The following EXOC2 variants were observed in gnomAD, a reference collection of about 807,000 sequenced individuals.
EXOC2 encodes exocyst complex component 2, also known as SEC5-like 1.
A neutral mutation model predicts 131.8 loss-of-function variants in EXOC2; 70 were observed. The observed-to-expected ratio is 0.53, with a 90% confidence interval of 0.44 to 0.65. The LOEUF (loss-of-function observed/expected upper bound fraction) is 0.65, where lower values mean the gene tolerates loss of function less well. Ranked by LOEUF, EXOC2 falls within the 30% of genes least tolerant of loss-of-function variation. The pLI is 0.00. For missense variants in EXOC2, 923 were observed against 1,108.6 expected, an observed-to-expected ratio of 0.83 and a Z score of 2.38; for synonymous variants, 411 against 398.4, an observed-to-expected ratio of 1.03 and a Z score of -0.38.
At chr6:597,908 T>C in intron 10 of EXOC2, 113 bp downstream of exon 10, 1 of 701,746 alleles carries the variant, frequency 1.4e-6, no homozygotes, top group African/African-American at 1.8e-5. Context: ...TGTCTTCCCC[T>C]TCACCATTTC....
At chr6:642,926 TA>T (rs59578274) in intron 1 of EXOC2, among the ~76,000 whole-genome samples, 7,191 of 145,162 alleles carry the variant, frequency 0.05, 451 homozygotes, top group African/African-American at 0.15. Flanking sequence ...ATTTTTCAAG[TA>T]AAAAAAAAAA....
At chr6:493,785 G>C (rs768127851) in intron 25 of EXOC2, among the ~76,000 whole-genome samples, 1 of 152,114 alleles carries the variant, frequency 6.6e-6, no homozygotes, top group Non-Finnish European at 1.5e-5. Context: ...AAATACACAT[G>C]TCTGTCCAGG....
At chr6:594,294 G>A (rs568041334) in intron 10 of EXOC2, among the ~76,000 whole-genome samples, 7 of 152,290 alleles carry the variant, frequency 4.6e-5, no homozygotes, top group African/African-American at 7.2e-5. Flanking sequence ...TTTATTACCT[G>A]AACGATAAAT....
chr6:670,659 C>T (rs1763821428), intron 1 of EXOC2, among the ~76,000 whole-genome samples: 3 of 152,186 alleles, frequency 2.0e-5, no homozygotes, highest in Non-Finnish European at 4.4e-5. Context: ...CTCATAGTGT[C>T]TACACTGAAA....
rs376231113 is a variant in EXOC2, at chr6:616,551, T to C, written c.661+1160A>G. 1.4e-3 allele frequency among the ~76,000 whole-genome samples: 176 copies of C among 124,658 alleles called. 1 individual carries two copies. Among genetic ancestry groups the C allele is most frequent in the Admixed American group, 2.1e-3 (19 of 9,122 alleles). 81.8% of individuals were successfully genotyped at this position (124,658 alleles called of 152,430 possible). A position where few individuals can be genotyped will look rare whatever the true frequency, so the allele number is the denominator to read the frequency against. ...CCGGGAGGCGGAGCTTGCAGTGAGC[T>C]GAGATCGCGCCACAGCACTCCCGCC... On this transcript the variant is annotated intron_variant, in intron 6 of 27. Coordinates refer to ENST00000230449, the MANE Select transcript of EXOC2 (RefSeq NM_018303.6).
intron 6 of EXOC2, among the ~76,000 whole-genome samples, chr6:613,322 C>T (rs751803962): frequency 4.9e-4 from 75 of 152,066 alleles, no homozygotes; most frequent in Middle Eastern, 3.4e-3. Flanking sequence ...GGCATAAAAA[C>T]TTAAGGATGA....
intron 1 of EXOC2, among the ~76,000 whole-genome samples, chr6:642,078 A>G (rs990866095): frequency 6.6e-6 from 1 of 152,034 alleles, no homozygotes; most frequent in Non-Finnish European, 1.5e-5. Context: ...ACATGAGCCC[A>G]TTCACCTCTT....
intron 1 of EXOC2, among the ~76,000 whole-genome samples, chr6:674,125 T>C (rs1350676961): frequency 6.6e-6 from 1 of 152,190 alleles, no homozygotes; most frequent in African/African-American, 2.4e-5. Context: ...AGCTAGAAAT[T>C]AAGCAAAAAT....
At chr6:629,128 C>A (rs2127700243) in intron 4 of EXOC2, among the ~76,000 whole-genome samples, 1 of 152,198 alleles carries the variant, frequency 6.6e-6, no homozygotes, top group East Asian at 1.9e-4. Context: ...TAAACTAAAA[C>A]CATGGTTAAA....
chr6:507,064 CCACA>C (rs377215025), intron 23 of EXOC2, among the ~76,000 whole-genome samples: 6,352 of 137,600 alleles, frequency 0.046, 240 homozygotes, highest in Non-Finnish European at 0.073. Flanking sequence ...AGCAGTGATC[CCACA>C]CACACACACA....
At chr6:503,148 A>G (rs1349606096) in intron 23 of EXOC2, among the ~76,000 whole-genome samples, 4 of 150,962 alleles carry the variant, frequency 2.6e-5, no homozygotes, top group Admixed American at 6.6e-5. Flanking sequence ...TCGCTGAATT[A>G]AATACAGGAG....
At chr6:559,627 T>C (rs1474340547) in intron 17 of EXOC2, among the ~76,000 whole-genome samples, 1 of 152,218 alleles carries the variant, frequency 6.6e-6, no homozygotes, top group Non-Finnish European at 1.5e-5. Context: ...AGTTATTTTA[T>C]GGTTGCAGTT....
chr6:565,178 G>A (rs1224662240), intron 13 of EXOC2, among the ~76,000 whole-genome samples: 2 of 152,194 alleles, frequency 1.3e-5, no homozygotes, highest in Non-Finnish European at 2.9e-5. Context: ...GAATTAAGTT[G>A]AAACTACCGA....
rs537429782 is a variant in EXOC2 at position 512,062 on chromosome 6, A to C, written c.2381-12362T>G. On this transcript the variant is annotated intron_variant, in intron 23 of 27. Transcript: ENST00000230449. ...TGGGTTGGTGTTTGTCAGAAGGGCA[A>C]GGTGCATATACACACACAGTCTTCT... Among the ~76,000 whole-genome samples the C allele has an allele frequency of 2.6e-5, 4 of 152,380 alleles. No homozygotes were observed. The South Asian group carries it at 8.3e-4, about 32-fold the overall frequency.
intron 1 of EXOC2, among the ~76,000 whole-genome samples, chr6:638,198 A>T (rs1762191160): frequency 6.6e-6 from 1 of 152,190 alleles, no homozygotes; most frequent in African/African-American, 2.4e-5. Context: ...GAACTGTTCT[A>T]CTGTTCTACC....
rs1223172460 is a variant in EXOC2 at position 562,764 on chromosome 6, TGAAAA to T, written c.1851+15_1851+19del. 1 of 1,545,040 alleles carries T rather than the reference TGAAAA, an allele frequency of 6.5e-7. No homozygotes were observed. Among genetic ancestry groups the T allele is most frequent in the Non-Finnish European group, 8.8e-7 (1 of 1,139,466 alleles). ...TAAATACACACTAATGACTAATAAT[TGAAAA>T]GAACTTAAACTTACTAGAGAAGTCA... On this transcript the variant is annotated intron_variant, in intron 17 of 27. Coordinates refer to ENST00000230449, the MANE Select transcript of EXOC2 (RefSeq NM_018303.6).
chr6:574,820 T>C (rs1758488824), intron 12 of EXOC2, among the ~76,000 whole-genome samples: 1 of 152,192 alleles, frequency 6.6e-6, no homozygotes, highest in Admixed American at 6.5e-5. Flanking sequence ...TACACCATGA[T>C]GGTAATCTGA....
chr6:576,859 T>C lies in EXOC2; in HGVS notation c.1216A>G (p.Met406Val), dbSNP rs776849375. Reference sequence around the variant, plus strand: ...CGTGTATCATTATCAAGATCCAACATGGGACTGTGCAGGCCTGGGTTACCT... The same window carrying C: ...CGTGTATCATTATCAAGATCCAACACGGGACTGTGCAGGCCTGGGTTACCT... ...LKGNPGLHSP[M>V]LDLDNDTRPS... Residue 406 changes from methionine to valine, a missense_variant, in exon 12 of 28, where the codon ATG (methionine) becomes GTG (valine). By Grantham distance (21) the Met-to-Val change is conservative (BLOSUM62 1). Transcript: ENST00000230449. 6 of 1,614,024 alleles carry C rather than the reference T, an allele frequency of 3.7e-6. No homozygotes were observed. The South Asian group carries it at 5.5e-5, about 15-fold the overall frequency.
chr6:499,785 T>TA (rs2127480999), intron 23 of EXOC2, 85 bp from the exon 24 acceptor site: 1 of 1,071,928 alleles, frequency 9.3e-7, no homozygotes, highest in East Asian at 2.4e-5. Flanking sequence ...CCCCATGCTT[T>TA]AGAGTTTTCT....
Sources: gnomAD v4.1 joint callset for allele counts (sites outside exome capture counted in the v4.1 genomes callset) on GRCh38, gnomAD v4.1.1 for gene constraint, MANE v1.5 for transcripts, NCBI Gene and HGNC (gene_info 2026-07-23, HGNC 2026-07-21) for gene names.